Variants in KREMEN1 observed in about 807,000 individuals in gnomAD.
KREMEN1 encodes the protein kremen protein 1.
Under a neutral mutation model 46.5 loss-of-function variants are expected in KREMEN1, and 30 were observed. The observed-to-expected ratio is 0.65, with a 90% CI of 0.48 to 0.88. The LOEUF (loss-of-function observed/expected upper bound fraction) is 0.88, where lower values mean the gene tolerates loss of function less well. Ranked by LOEUF, KREMEN1 falls within the 40% of genes least tolerant of loss-of-function variation. The pLI, the probability that KREMEN1 is intolerant of heterozygous loss-of-function variation, is 0.00. For missense variants in KREMEN1, 533 were observed against 596.9 expected, an observed-to-expected ratio of 0.89 and a Z score of 1.11; for synonymous variants, 214 against 230.6, an observed-to-expected ratio of 0.93 and a Z score of 0.65.
intron 3 of KREMEN1, among the ~76,000 whole-genome samples, chr22:29,109,469 A>G (rs2038110036): frequency 6.6e-6 from 1 of 152,208 alleles, no homozygotes; most frequent in South Asian, 2.1e-4. Flanking sequence ...GAGTTTCTGA[A>G]GACAAGAGGA....
intron 9 of KREMEN1, among the ~76,000 whole-genome samples, chr22:29,163,740 G>A (rs377127524): frequency 2.4e-4 from 36 of 152,222 alleles, no homozygotes; most frequent in African/African-American, 8.2e-4. Flanking sequence ...CATAAAGATG[G>A]CAACAGTAGA....
exon 10 of KREMEN1, chr22:29,168,058 G>A (rs988888618): frequency 6.6e-6 from 1 of 152,280 alleles, no homozygotes; most frequent in Non-Finnish European, 1.5e-5. Context: ...CACACAACTG[G>A]GCATAGTGGT....
chr22:29,145,453 T>G lies in KREMEN1; in HGVS notation c.*3341T>G. The G allele has an allele frequency of 1.0e-6, 1 of 985,634 alleles. No individual in the cohort carries two copies. Among genetic ancestry groups the G allele is most frequent in the Non-Finnish European group, 1.2e-6 (1 of 830,110 alleles). 61.1% of individuals were successfully genotyped at this position (985,634 alleles called of 1,614,324 possible). A position where few individuals can be genotyped will look rare whatever the true frequency, so the allele number is the denominator to read the frequency against. ...GGCCTGCGTGCCATCCTCACCCCTG[T>G]TCCCCGCTGGCGCCAGGCCCTGCCT... On this transcript the variant is annotated 3_prime_UTR_variant, in exon 9 of 9. Transcript: ENST00000400335.
Position 29,145,644 on chromosome 22 carries a change from C to T in KREMEN1, c.*3532C>T, listed in dbSNP as rs114711193. On this transcript the variant is annotated 3_prime_UTR_variant, in exon 9 of 9. Coordinates refer to ENST00000400335, the MANE Select transcript of KREMEN1 (RefSeq NM_001039570.3). ...AGGCACACGGTGCCCTGTTCTTCCC[C>T]GTTTGTCCAGTTGCTTGCAAAGCAG... is the stretch of plus-strand genomic sequence containing the variant. The T allele has an allele frequency of 2.0e-3, 1,984 of 985,544 alleles. 30 individuals are homozygous for T. The African/African-American group carries it at 0.027, about 13-fold the overall frequency. 61.0% of individuals were successfully genotyped at this position (985,544 alleles called of 1,614,324 possible). A position where few individuals can be genotyped will look rare whatever the true frequency, so the allele number is the denominator to read the frequency against.
chr22:29,129,425 C>G lies in KREMEN1; in HGVS notation c.631+4009C>G, dbSNP rs534382389. ...CCGCCTCATGGAAATCCTTATGACT[C>G]ATTGAACAAGGCTGAGCACTTTGGA... On this transcript the variant is annotated intron_variant, in intron 5 of 8. Coordinates refer to ENST00000400335, the MANE Select transcript of KREMEN1 (RefSeq NM_001039570.3). 9.0e-4 allele frequency among the ~76,000 whole-genome samples: 137 copies of G among 152,166 alleles called. 1 individual carries two copies. Among genetic ancestry groups the G allele is most frequent in the African/African-American group, 3.3e-3 (137 of 41,542 alleles).
chr22:29,115,837 C>T (rs1448549613), intron 3 of KREMEN1, among the ~76,000 whole-genome samples: 4 of 152,162 alleles, frequency 2.6e-5, no homozygotes, highest in South Asian at 2.1e-4. Flanking sequence ...TGCAAAAACC[C>T]GGAGGCCAGA....
At chr22:29,104,888 C>T (rs6005992) in intron 3 of KREMEN1, among the ~76,000 whole-genome samples, 18,412 of 151,958 alleles carry the variant, frequency 0.12, 1,594 homozygotes, top group African/African-American at 0.25. Context: ...AGCAAGACTC[C>T]ATTTCAAAAA....
intron 9 of KREMEN1, among the ~76,000 whole-genome samples, chr22:29,158,341 G>C (rs1247710330): frequency 6.6e-6 from 1 of 152,216 alleles, no homozygotes; most frequent in Non-Finnish European, 1.5e-5. Flanking sequence ...ACATCAAGGG[G>C]AGGCCACGCC....
intron 3 of KREMEN1, among the ~76,000 whole-genome samples, chr22:29,113,550 A>G (rs1271638541): frequency 1.3e-5 from 2 of 152,154 alleles, no homozygotes; most frequent in Non-Finnish European, 1.5e-5. Flanking sequence ...TGTGGTATTT[A>G]CTTTATTTAC....
intron 3 of KREMEN1, among the ~76,000 whole-genome samples, chr22:29,120,320 AG>A (rs2038321270): frequency 6.7e-6 from 1 of 149,346 alleles, no homozygotes; most frequent in African/African-American, 2.5e-5. Context: ...GAGGAGGGAG[AG>A]GTGATGATGG....
intron 4 of KREMEN1, among the ~76,000 whole-genome samples, chr22:29,124,786 C>G (rs936672399): frequency 6.6e-6 from 1 of 152,160 alleles, no homozygotes; most frequent in Non-Finnish European, 1.5e-5. Flanking sequence ...AGCCACCATG[C>G]CCGGCTGTGG....
chr22:29,076,710 G>A (rs1192842385), intron 1 of KREMEN1, among the ~76,000 whole-genome samples: 1 of 152,110 alleles, frequency 6.6e-6, no homozygotes, highest in African/African-American at 2.4e-5. Context: ...AAATTAGCCG[G>A]GCATGGTGGC....
rs200806387 is a variant in KREMEN1, at chr22:29,133,649, TG to T, written c.632-3692del. Among the ~76,000 whole-genome samples the T allele has an allele frequency of 1.4e-4, 16 of 111,294 alleles. No individual in the cohort carries two copies. The South Asian group carries it at 1.4e-3, about 10-fold the overall frequency. 73.0% of individuals were successfully genotyped at this position (111,294 alleles called of 152,430 possible). A position where few individuals can be genotyped will look rare whatever the true frequency, so the allele number is the denominator to read the frequency against. On this transcript the variant is annotated intron_variant, in intron 5 of 8. Transcript: ENST00000400335. ...TGTGTCTAGGTGTGTCTTCTTTGTC[TG>T]TTTTTTTTTGTTTGTTTTTTTTGCT...
At chr22:29,078,933 ATATTC>A (rs2037613520) in intron 1 of KREMEN1, among the ~76,000 whole-genome samples, 7 of 152,218 alleles carry the variant, frequency 4.6e-5, no homozygotes, top group Admixed American at 4.6e-4. Flanking sequence ...CATTCCTTCT[ATATTC>A]AGTTTGACCT....
At chr22:29,124,471 T>C (rs924979579) in intron 4 of KREMEN1, among the ~76,000 whole-genome samples, 1 of 151,546 alleles carries the variant, frequency 6.6e-6, no homozygotes, top group Admixed American at 6.6e-5. Context: ...GAATCCTGAT[T>C]GTACTGGTGG....
chr22:29,155,116 T>C (rs2145870659), intron 9 of KREMEN1, among the ~76,000 whole-genome samples: 1 of 152,332 alleles, frequency 6.6e-6, no homozygotes, highest in East Asian at 1.9e-4. Flanking sequence ...TGTAATTTTT[T>C]TTTTTTGGCC....
At chr22:29,147,115 G>A (rs533397910), downstream of KREMEN1, among the ~76,000 whole-genome samples, 3 of 152,244 alleles carry the variant, frequency 2.0e-5, no homozygotes, top group South Asian at 2.1e-4. Flanking sequence ...ATCTGGGCTC[G>A]AGCCGGCCTA....
chr22:29,128,414 T>G (rs932580237), intron 5 of KREMEN1, among the ~76,000 whole-genome samples: 1 of 152,208 alleles, frequency 6.6e-6, no homozygotes, highest in Admixed American at 6.5e-5. Flanking sequence ...GAATGTAGTT[T>G]TTATAAGACA....
intron 1 of KREMEN1, among the ~76,000 whole-genome samples, chr22:29,086,549 C>T (rs1039814274): frequency 1.3e-5 from 2 of 152,202 alleles, no homozygotes; most frequent in African/African-American, 4.8e-5. Context: ...CCCCTGCCTT[C>T]CCAGGGCCAC....
Sources: gnomAD v4.1 joint callset for allele counts (sites outside exome capture counted in the v4.1 genomes callset) on GRCh38, gnomAD v4.1.1 for gene constraint, MANE v1.5 for transcripts, NCBI Gene and HGNC (gene_info 2026-07-23, HGNC 2026-07-21) for gene names.